The following CSMD1 variants were observed in gnomAD, a reference collection of about 807,000 sequenced individuals.
The protein encoded by CSMD1 is CUB and Sushi multiple domains 1, also known as CUB and sushi domain-containing protein 1.
Under a neutral mutation model 417.5 loss-of-function variants are expected in CSMD1, and 213 were observed. The ratio of observed to expected loss-of-function variants is 0.51; its 90% CI spans 0.46 to 0.57. CSMD1 has a LOEUF of 0.57. Among genes scored for constraint, CSMD1 ranks in the 20% least tolerant of loss-of-function variants. The pLI is 0.00. For synonymous variants in CSMD1, 2,862 were observed against 1,736.8 expected (o/e 1.65, Z -16.11); for missense variants, 6,923 against 4,529.7 (o/e 1.53, Z -15.17).
intron 5 of CSMD1, among the ~76,000 whole-genome samples, chr8:3,806,697 C>A (rs1800761300): frequency 6.6e-6 from 1 of 152,168 alleles, no homozygotes. Context: ...TCAAAACAAT[C>A]TAATGAGAGG....
intron 12 of CSMD1, among the ~76,000 whole-genome samples, chr8:3,433,425 G>A (rs1234065739): frequency 6.6e-6 from 1 of 152,110 alleles, no homozygotes; most frequent in Non-Finnish European, 1.5e-5. Context: ...TATCCCCTTT[G>A]CTCCTAAATT....
intron 33 of CSMD1, among the ~76,000 whole-genome samples, chr8:3,193,229 G>C (rs1261857820): frequency 6.6e-6 from 1 of 152,094 alleles, no homozygotes; most frequent in Non-Finnish European, 1.5e-5. Flanking sequence ...AGCACCAAGG[G>C]TCATTTGTAC....
At chr8:3,597,844 G>C (rs1221438025) in intron 8 of CSMD1, among the ~76,000 whole-genome samples, 1 of 152,144 alleles carries the variant, frequency 6.6e-6, no homozygotes, top group Non-Finnish European at 1.5e-5. Flanking sequence ...CGGGGGGTTG[G>C]GGACTAGGGG....
At chr8:4,675,612 G>A (rs560994249) in intron 1 of CSMD1, among the ~76,000 whole-genome samples, 1 of 151,794 alleles carries the variant, frequency 6.6e-6, no homozygotes, top group Non-Finnish European at 1.5e-5. Flanking sequence ...ATTACAATGA[G>A]GACAGAATAA....
intron 38 of CSMD1, 91 bp from the exon 39 acceptor site, chr8:3,158,057 CTTGTT>C (rs993980371): frequency 2.8e-6 from 3 of 1,071,830 alleles, no homozygotes; most frequent in African/African-American, 1.6e-5. Flanking sequence ...TTTTTCCTTT[CTTGTT>C]TTAATTATAA....
At chr8:4,974,564 A>T (rs1195719494) in intron 1 of CSMD1, among the ~76,000 whole-genome samples, 1 of 152,184 alleles carries the variant, frequency 6.6e-6, no homozygotes, top group Non-Finnish European at 1.5e-5. Flanking sequence ...CTTTGAAAAA[A>T]GATTGGAGTC....
intron 31 of CSMD1, 147 bp downstream of exon 31, chr8:3,205,357 T>A: frequency 1.8e-6 from 1 of 561,636 alleles, no homozygotes; most frequent in East Asian, 3.1e-5. Flanking sequence ...GCAGGATATG[T>A]TTGGAAGGCC....
At chr8:4,007,551 T>A (rs1816221337) in intron 4 of CSMD1, among the ~76,000 whole-genome samples, 1 of 152,076 alleles carries the variant, frequency 6.6e-6, no homozygotes, top group Non-Finnish European at 1.5e-5. Flanking sequence ...CACCTCTCCA[T>A]CCTGTATGCT....
At chr8:4,435,246 G>T (rs528821966) in intron 2 of CSMD1, among the ~76,000 whole-genome samples, 50 of 152,238 alleles carry the variant, frequency 3.3e-4, no homozygotes, top group African/African-American at 1.0e-3. Context: ...TGAAAAAAAT[G>T]TATGTTTTAT....
intron 2 of CSMD1, among the ~76,000 whole-genome samples, chr8:4,448,577 G>A (rs1024341651): frequency 2.0e-5 from 3 of 152,138 alleles, no homozygotes; most frequent in East Asian, 3.9e-4. Context: ...TTTCCTTCCT[G>A]TATTGTGCAA....
intron 5 of CSMD1, among the ~76,000 whole-genome samples, chr8:3,957,062 A>G (rs1315516058): frequency 6.6e-6 from 1 of 152,206 alleles, no homozygotes; most frequent in South Asian, 2.1e-4. Context: ...CGTAGGAGAC[A>G]AAAACGCCGG....
At chr8:4,686,848 G>A (rs1280101078) in intron 1 of CSMD1, among the ~76,000 whole-genome samples, 1 of 152,208 alleles carries the variant, frequency 6.6e-6, no homozygotes. Flanking sequence ...TGCAGGGAGA[G>A]AAGGAAGGAG....
At chr8:4,417,791 CAT>C (rs1240647758) in intron 3 of CSMD1, among the ~76,000 whole-genome samples, 1 of 151,908 alleles carries the variant, frequency 6.6e-6, no homozygotes, top group Non-Finnish European at 1.5e-5. Flanking sequence ...ACTTCATATA[CAT>C]ATATATACAT....
intron 3 of CSMD1, among the ~76,000 whole-genome samples, chr8:4,115,852 G>C (rs1445774564): frequency 6.6e-6 from 1 of 152,022 alleles, no homozygotes; most frequent in African/African-American, 2.4e-5. Flanking sequence ...CATACTGCAT[G>C]ATCCCCAATC....
intron 3 of CSMD1, among the ~76,000 whole-genome samples, chr8:4,385,915 A>T (rs1414223992): frequency 1.3e-5 from 2 of 152,228 alleles, no homozygotes; most frequent in East Asian, 3.8e-4. Context: ...TTCTCCAGGA[A>T]TTCCAGAGTT....
Position 4,429,819 on chromosome 8 carries a change from ATCTCATTGGC to A in CSMD1, c.303-9764_303-9755del, listed in dbSNP as rs111499144. 2.1e-3 allele frequency among the ~76,000 whole-genome samples: 327 copies of A among 152,254 alleles called. 3 individuals carry two copies. Among genetic ancestry groups the A allele is most frequent in the African/African-American group, 7.7e-3 (318 of 41,558 alleles). ...GCAATCCCCTCCCATCATACCCAGG[ATCTCATTGGC>A]TCGGGAAGAAATCCACGCCCATTCA... On this transcript the variant is annotated intron_variant, in intron 2 of 69. Coordinates refer to ENST00000635120, the MANE Select transcript of CSMD1 (RefSeq NM_033225.6).
At chr8:3,206,638 G>T (rs1380450629) in intron 30 of CSMD1, among the ~76,000 whole-genome samples, 1 of 143,214 alleles carries the variant, frequency 7.0e-6, no homozygotes, top group Non-Finnish European at 1.5e-5. Flanking sequence ...TTATGTCTGT[G>T]TGTGTGTGGG....
chr8:4,179,892 C>T (rs947213672), intron 3 of CSMD1, among the ~76,000 whole-genome samples: 2 of 152,236 alleles, frequency 1.3e-5, no homozygotes, highest in South Asian at 2.1e-4. Context: ...CATCTCACAC[C>T]AGTTAGAATG....
rs12542780 is a variant in CSMD1, at chr8:3,367,257, G to A, written c.2900-10C>T. The A allele has an allele frequency of 0.021, 33,413 of 1,591,132 alleles. 617 individuals are homozygous for A. Among genetic ancestry groups the A allele is most frequent in the East Asian group, 0.081 (3,580 of 44,388 alleles). On this transcript the variant is annotated splice_polypyrimidine_tract_variant and intron_variant, in intron 19 of 69. Coordinates refer to ENST00000635120, the MANE Select transcript of CSMD1 (RefSeq NM_033225.6). The stretch of plus-strand genomic sequence containing the variant: ...AAGATCATTTGAACTCCTGAGAAAT[G>A]AAGCCGGGGGAGAGAGAGAGAGACA...
Sources: gnomAD v4.1 joint callset for allele counts (sites outside exome capture counted in the v4.1 genomes callset) on GRCh38, gnomAD v4.1.1 for gene constraint, MANE v1.5 for transcripts, NCBI Gene and HGNC (gene_info 2026-07-23, HGNC 2026-07-21) for gene names.